Variants in ZC2HC1A observed in about 807,000 individuals in gnomAD.
ZC2HC1A encodes the protein zinc finger C2HC domain-containing protein 1A.
In ZC2HC1A, 28 loss-of-function variants were observed where a neutral mutation model predicts 40.7. The ratio of observed to expected loss-of-function variants is 0.69; its 90% CI spans 0.51 to 0.94. ZC2HC1A has a LOEUF of 0.94. Among genes scored for constraint, ZC2HC1A ranks in the 40% least tolerant of loss-of-function variants. ZC2HC1A has a pLI of 0.00. For missense variants in ZC2HC1A, 389 were observed against 386.3 expected (o/e 1.01, Z -0.06); for synonymous variants, 129 against 129.2 (o/e 1.00, Z 0.01).
intron 5 of ZC2HC1A, among the ~76,000 whole-genome samples, chr8:78,693,875 T>G (rs1339729712): frequency 1.3e-5 from 2 of 152,228 alleles, no homozygotes; most frequent in Non-Finnish European, 2.9e-5. Flanking sequence ...GGTCTAACAC[T>G]TAAGTCTTTA....
intron 8 of ZC2HC1A, among the ~76,000 whole-genome samples, 179 bp downstream of exon 8, chr8:78,715,507 C>G (rs924471198): frequency 2.0e-5 from 3 of 152,188 alleles, no homozygotes; most frequent in African/African-American, 4.8e-5. Flanking sequence ...TGAAAACCTT[C>G]TGTAAAGGAT....
chr8:78,672,988 G>A (rs1445740255), intron 1 of ZC2HC1A, among the ~76,000 whole-genome samples: 1 of 151,928 alleles, frequency 6.6e-6, no homozygotes, highest in Non-Finnish European at 1.5e-5. Context: ...ATGGTGGTTT[G>A]CTGCACCCAT....
In ZC2HC1A at chr8:78,678,616, T is replaced by A. The variant is rs151313589; in HGVS notation, c.147T>A (p.Phe49Leu). Residue 49 changes from phenylalanine (F) to leucine (L), a missense_variant, in exon 3 of 9, where the codon TTT becomes TTA. By Grantham distance (22) the Phe-to-Leu change is conservative. Transcript: ENST00000263849. Reference protein sequence around the residue: ...QKTATKKRKTFDSSRQRAEGT... With the variant: ...QKTATKKRKTLDSSRQRAEGT... ...CTGCAACTAAAAAACGGAAGACTTT[T>A]GATTCAAGCAGACAGAGAGCTGAAG... The A allele has an allele frequency of 6.2e-7, 1 of 1,612,586 alleles. No homozygotes were observed. Among genetic ancestry groups the A allele is most frequent in the Non-Finnish European group, 8.5e-7 (1 of 1,179,386 alleles).
chr8:78,685,256 T>C (rs1809931411), intron 3 of ZC2HC1A, among the ~76,000 whole-genome samples: 2 of 151,654 alleles, frequency 1.3e-5, no homozygotes, highest in African/African-American at 4.8e-5. Flanking sequence ...TGCATAGCCA[T>C]GTTAAAAAAA....
intron 7 of ZC2HC1A, among the ~76,000 whole-genome samples, chr8:78,706,023 C>T (rs984846366): frequency 2.6e-5 from 4 of 152,204 alleles, no homozygotes; most frequent in African/African-American, 9.6e-5. Flanking sequence ...AACCAGCAGT[C>T]TGACCACATT....
chr8:78,699,205 CT>C (rs1334256759), intron 7 of ZC2HC1A, among the ~76,000 whole-genome samples: 1 of 151,790 alleles, frequency 6.6e-6, no homozygotes, highest in Non-Finnish European at 1.5e-5. Context: ...TAATTTAATC[CT>C]TTTTTATATT....
intron 5 of ZC2HC1A, among the ~76,000 whole-genome samples, chr8:78,691,216 A>G (rs549022793): frequency 6.6e-6 from 1 of 152,312 alleles, no homozygotes; most frequent in South Asian, 2.1e-4. Flanking sequence ...TGAGGGAAAT[A>G]TGTTAAAATT....
intron 3 of ZC2HC1A, among the ~76,000 whole-genome samples, chr8:78,683,872 A>G (rs1052167039): frequency 6.6e-6 from 1 of 152,240 alleles, no homozygotes; most frequent in South Asian, 2.1e-4. Context: ...GTTTAAAGCC[A>G]CAGATCTCTA....
intron 3 of ZC2HC1A, among the ~76,000 whole-genome samples, chr8:78,680,357 C>T (rs1809739277): frequency 6.7e-6 from 1 of 150,178 alleles, no homozygotes; most frequent in African/African-American, 2.5e-5. Flanking sequence ...GGTTTATTGC[C>T]TTGTTACCTA....
At chr8:78,711,954 A>G (rs1393850742) in intron 7 of ZC2HC1A, 3 of 1,238,462 alleles carry the variant, frequency 2.4e-6, no homozygotes, top group Non-Finnish European at 3.2e-6. Flanking sequence ...AGCAGTAGCA[A>G]TCTCCTTATG....
At chr8:78,692,274 A>G (rs371049916) in intron 5 of ZC2HC1A, among the ~76,000 whole-genome samples, 1 of 152,162 alleles carries the variant, frequency 6.6e-6, no homozygotes, top group East Asian at 1.9e-4. Flanking sequence ...TTCTACATGT[A>G]AGTGAGTACA....
intron 1 of ZC2HC1A, among the ~76,000 whole-genome samples, chr8:78,667,506 A>G (rs546097247): frequency 1.1e-3 from 168 of 152,314 alleles, no homozygotes; most frequent in Non-Finnish European, 1.9e-3. Context: ...CATATTATCT[A>G]TAAAGTGTTT....
chr8:78,719,691 CTATT>C lies in ZC2HC1A; in HGVS notation c.*2200_*2203del, dbSNP rs964469043. On this transcript the variant is annotated 3_prime_UTR_variant, in exon 9 of 9. Transcript: ENST00000263849. ...TGTGGTGACTATTATTTCTTGTCCA[CTATT>C]TGTTTTTTGTTTTTTCACCAATAAT... 4 of 151,624 alleles carry C rather than the reference CTATT, an allele frequency of 2.6e-5. No individual in the cohort carries two copies. Among genetic ancestry groups the C allele is most frequent in the Admixed American group, 1.3e-4 (2 of 15,214 alleles). 9.4% of individuals were successfully genotyped at this position (151,624 alleles called of 1,614,324 possible). A position where few individuals can be genotyped will look rare whatever the true frequency, so the allele number is the denominator to read the frequency against.
intron 3 of ZC2HC1A, 46 bp from the exon 4 acceptor site, chr8:78,686,421 G>A: frequency 7.9e-7 from 1 of 1,267,998 alleles, no homozygotes; most frequent in Non-Finnish European, 1.0e-6. Context: ...ATACTAAAAA[G>A]ATACTGTTTG....
intron 1 of ZC2HC1A, among the ~76,000 whole-genome samples, chr8:78,673,086 C>A (rs973505971): frequency 1.3e-5 from 2 of 151,972 alleles, no homozygotes; most frequent in Non-Finnish European, 2.9e-5. Flanking sequence ...CCCTGACAGG[C>A]CCTGGAGTGT....
In ZC2HC1A at chr8:78,698,731, G is replaced by A. The variant is rs1166462740; in HGVS notation, c.704+218G>A. ...GGTATTAAAAGCCTTAGAAATCATA[G>A]CTTAAATTGAATAATTTTACTTCTG... On this transcript the variant is annotated intron_variant, in intron 7 of 8. Coordinates refer to ENST00000263849, the MANE Select transcript of ZC2HC1A (RefSeq NM_016010.3). Among the ~76,000 whole-genome samples, 3 of 152,212 alleles carry A rather than the reference G, an allele frequency of 2.0e-5. 1 individual carries two copies. Among genetic ancestry groups the A allele is most frequent in the Admixed American group, 2.0e-4 (3 of 15,296 alleles).
chr8:78,700,706 TCA>T (rs2130559001), intron 7 of ZC2HC1A, among the ~76,000 whole-genome samples: 1 of 152,318 alleles, frequency 6.6e-6, no homozygotes, highest in South Asian at 2.1e-4. Context: ...GGATCCAGTT[TCA>T]GTCTTCTGCA....
intron 7 of ZC2HC1A, among the ~76,000 whole-genome samples, chr8:78,710,151 CTTGA>C (rs1325380818): frequency 6.6e-6 from 1 of 152,056 alleles, no homozygotes; most frequent in Non-Finnish European, 1.5e-5. Flanking sequence ...TGTATAAAAT[CTTGA>C]TTGTTATTGA....
intron 3 of ZC2HC1A, among the ~76,000 whole-genome samples, chr8:78,682,680 A>T (rs897000325): frequency 6.6e-6 from 1 of 152,068 alleles, no homozygotes; most frequent in Non-Finnish European, 1.5e-5. Context: ...CCACTCCCAA[A>T]TTTCATGCCC....
Sources: gnomAD v4.1 joint callset for allele counts (sites outside exome capture counted in the v4.1 genomes callset) on GRCh38, gnomAD v4.1.1 for gene constraint, MANE v1.5 for transcripts, NCBI Gene and HGNC (gene_info 2026-07-23, HGNC 2026-07-21) for gene names.